Variants in PCDHA6 observed in about 807,000 individuals in gnomAD.
PCDHA6 encodes protocadherin alpha 6.
PCDHA6 carries 55 observed loss-of-function variants against 60.3 expected under a neutral mutation model. The ratio of observed to expected loss-of-function variants is 0.91; its 90% CI spans 0.73 to 1.14. The LOEUF (loss-of-function observed/expected upper bound fraction) is 1.14. Ranked by LOEUF, PCDHA6 falls within the 50% of genes most tolerant of loss-of-function variation. PCDHA6 has a pLI of 0.00. For missense variants in PCDHA6, 1,327 were observed against 1,256.5 expected (o/e 1.06, Z -0.85); for synonymous variants, 652 against 557.9 (o/e 1.17, Z -2.38).
intron 1 of PCDHA6, chr5:140,842,463 C>T (rs1554139058): frequency 1.9e-6 from 3 of 1,613,672 alleles, no homozygotes; most frequent in Admixed American, 3.3e-5. Flanking sequence ...GATTCAGGTG[C>T]CAACGGGCAG....
chr5:140,973,894 G>A (rs1161980569), intron 1 of PCDHA6, among the ~76,000 whole-genome samples: 1 of 152,194 alleles, frequency 6.6e-6, no homozygotes, highest in African/African-American at 2.4e-5. Flanking sequence ...ATTTGCAAAT[G>A]TTTGAGGAAA....
intron 1 of PCDHA6, among the ~76,000 whole-genome samples, chr5:140,901,970 G>T (rs1178784932): frequency 1.3e-5 from 2 of 151,954 alleles, no homozygotes; most frequent in Non-Finnish European, 2.9e-5. Context: ...TCGTAAATGG[G>T]ATTACTTTTT....
chr5:140,957,468 T>C (rs1318789577), intron 1 of PCDHA6, among the ~76,000 whole-genome samples: 2 of 152,166 alleles, frequency 1.3e-5, no homozygotes, highest in African/African-American at 4.8e-5. Context: ...GGTATGTATG[T>C]ATAGGAAAAA....
intron 1 of PCDHA6, 40 bp from the exon 2 acceptor site, chr5:140,978,909 C>T: frequency 6.2e-7 from 1 of 1,613,660 alleles, no homozygotes; most frequent in South Asian, 1.1e-5. Context: ...AGAACATTGT[C>T]TTGTCATTTT....
At chr5:140,941,248 T>TTTCTTTCG (rs1563187616) in intron 1 of PCDHA6, among the ~76,000 whole-genome samples, 2 of 141,492 alleles carry the variant, frequency 1.4e-5, no homozygotes, top group Non-Finnish European at 3.1e-5. Context: ...TCTTTCTTTC[T>TTTCTTTCG]TTCTTTCTCT....
intron 1 of PCDHA6, chr5:140,875,854 G>T: frequency 1.2e-6 from 2 of 1,614,160 alleles, no homozygotes; most frequent in East Asian, 4.5e-5. Flanking sequence ...GGACATTAAC[G>T]ACAACCCGCC....
At position 140,951,558 on chromosome 5, in the gene PCDHA6, C is replaced by T. The variant is rs79908970; in HGVS notation, c.2395-27391C>T. On this transcript the variant is annotated intron_variant, in intron 1 of 3. Coordinates refer to ENST00000529310, the MANE Select transcript of PCDHA6 (RefSeq NM_018909.4). The stretch of plus-strand genomic sequence containing the variant: ...GAGCAAGGGACGGGGGGAAGTGCTA[C>T]GCACTTTTAAACAACCAGATTTCAC... Among the ~76,000 whole-genome samples the T allele has an allele frequency of 3.7e-4, 56 of 152,112 alleles. No individual in the cohort carries two copies. In the East Asian group the frequency reaches 9.5e-3, roughly 26 times the overall value.
At chr5:140,938,507 C>T (rs2092094259) in intron 1 of PCDHA6, among the ~76,000 whole-genome samples, 1 of 151,846 alleles carries the variant, frequency 6.6e-6, no homozygotes, top group Admixed American at 6.6e-5. Flanking sequence ...GAATTTATCA[C>T]ATATTTTCTG....
intron 1 of PCDHA6, chr5:140,857,244 C>A: frequency 6.3e-7 from 1 of 1,598,592 alleles, no homozygotes; most frequent in Admixed American, 1.7e-5. Flanking sequence ...CTGGTGTCCA[C>A]CTACAAGAAT....
intron 1 of PCDHA6, chr5:140,969,289 G>C: frequency 6.2e-7 from 1 of 1,614,208 alleles, no homozygotes; most frequent in Non-Finnish European, 8.5e-7. Context: ...AGAATGCTGG[G>C]AACCTGATTA....
intron 1 of PCDHA6, chr5:140,835,111 A>G: frequency 2.3e-6 from 3 of 1,290,786 alleles, no homozygotes; most frequent in Middle Eastern, 2.7e-4. Flanking sequence ...CCAGTGTTCG[A>G]CAGAACCCTG....
chr5:140,872,203 T>C (rs2053540668), intron 1 of PCDHA6, among the ~76,000 whole-genome samples: 1 of 152,208 alleles, frequency 6.6e-6, no homozygotes, highest in Non-Finnish European at 1.5e-5. Context: ...CATCATAAAT[T>C]CATTATATAT....
At position 140,842,972 on chromosome 5, in the gene PCDHA6, C is replaced by G; in HGVS notation, c.2394+12487C>G. 1.9e-6 allele frequency: 3 copies of G among 1,595,038 alleles called. 1 individual carries two copies. The highest frequency in any genetic ancestry group is 2.6e-6 in the Non-Finnish European group (3 of 1,165,520). On this transcript the variant is annotated intron_variant, in intron 1 of 3. Transcript: ENST00000529310. The stretch of plus-strand genomic sequence containing the variant: ...GCCGCCTCTGGGCAGCAACGTGACG[C>G]TGCAGGTGTTCGTGCTGGACGAGAA...
rs114640080 is a variant in PCDHA6, at chr5:140,841,887, A to C, written c.2394+11402A>C. The C allele has an allele frequency of 8.3e-4, 1,346 of 1,613,824 alleles. 14 individuals are homozygous for C. In the African/African-American group the frequency reaches 0.016, roughly 20 times the overall value. ...GATGTGAATTCAAAGAACGATGAGA[A>C]TAAACTGGTTGAGCTCGTATTAAGA... On this transcript the variant is annotated intron_variant, in intron 1 of 3. Transcript: ENST00000529310.
Position 140,830,206 on chromosome 5 carries a change from C to A in PCDHA6, c.2115C>A (p.Cys705Ter). ...DVNVYLIIAICAVSSLLVLTL... is the reference protein window; with the variant it reads ...DVNVYLIIAI ...ACGTGTACCTGATCATCGCCATCTGCGCGGTATCCAGCCTGCTGGTCCTCA... is the reference window on the plus strand; with the variant it reads ...ACGTGTACCTGATCATCGCCATCTGAGCGGTATCCAGCCTGCTGGTCCTCA... Residue 705 changes from cysteine (C) to a stop codon, truncating the protein, a stop_gained, in exon 1 of 4, where the codon TGC becomes TGA. Coordinates refer to ENST00000529310, the MANE Select transcript of PCDHA6 (RefSeq NM_018909.4). LOFTEE classifies it high-confidence loss of function. The A allele has an allele frequency of 1.9e-6, 3 of 1,613,782 alleles. No individual in the cohort carries two copies. Among genetic ancestry groups the A allele is most frequent in the Non-Finnish European group, 2.5e-6 (3 of 1,179,904 alleles).
In PCDHA6 at chr5:140,838,709, G is replaced by A. The variant is rs2150291711; in HGVS notation, c.2394+8224G>A. 7.4e-3 allele frequency among the ~76,000 whole-genome samples: 1,129 copies of A among 152,134 alleles called. 12 individuals carry two copies. The highest frequency in any genetic ancestry group is 0.014 in the Admixed American group (208 of 15,280). On this transcript the variant is annotated intron_variant, in intron 1 of 3. Transcript: ENST00000529310. ...CCAACATTTCGGGAGGCCGAGGCAG[G>A]AGGATTGCTTCAGTCTAGTAGTTTG...
intron 1 of PCDHA6, chr5:140,836,001 G>C (rs2150250076): frequency 6.2e-7 from 1 of 1,613,350 alleles, no homozygotes; most frequent in Admixed American, 1.7e-5. Context: ...CGCGCGCGAT[G>C]CGGGCGTGCC....
At chr5:140,851,602 G>A in intron 1 of PCDHA6, 1 of 918,032 alleles carries the variant, frequency 1.1e-6, no homozygotes, top group Non-Finnish European at 1.3e-6. Flanking sequence ...TCAGTTTACA[G>A]AAATTGGAGA....
chr5:140,857,507 G>T, intron 1 of PCDHA6: 2 of 1,598,302 alleles, frequency 1.3e-6, no homozygotes, highest in African/African-American at 1.3e-5. Context: ...GCAGGAGAAC[G>T]CCCTGGTGTC....
Sources: allele counts gnomAD v4.1 joint callset (sites outside exome capture counted in the v4.1 genomes callset), GRCh38; gene constraint gnomAD v4.1.1; transcripts MANE v1.5; gene names NCBI Gene and HGNC (gene_info 2026-07-23, HGNC 2026-07-21).